OXCT1: variants seen among roughly 807,000 people sequenced by gnomAD.
The protein encoded by OXCT1 is 3-oxoacid CoA-transferase 1.
OXCT1 carries 27 observed loss-of-function variants against 69.6 expected under a neutral mutation model. The observed-to-expected ratio is 0.39, with a 90% confidence interval of 0.29 to 0.54. The LOEUF (loss-of-function observed/expected upper bound fraction) is 0.54. Among genes scored for constraint, OXCT1 ranks in the 20% least tolerant of loss-of-function variants. The pLI is 0.72. For missense variants in OXCT1, 437 were observed against 650.2 expected (o/e 0.67, Z 3.57); for synonymous variants, 202 against 217.8 (o/e 0.93, Z 0.64).
chr5:41,800,520 A>T (rs891841584), intron 11 of OXCT1, among the ~76,000 whole-genome samples: 1 of 151,244 alleles, frequency 6.6e-6, no homozygotes, highest in Non-Finnish European at 1.5e-5. Context: ...GGTTGCTGTG[A>T]TTTGACTGAG....
chr5:41,786,578 G>T (rs1449916759), intron 13 of OXCT1, among the ~76,000 whole-genome samples: 1 of 152,168 alleles, frequency 6.6e-6, no homozygotes, highest in Non-Finnish European at 1.5e-5. Context: ...TCTGAATGAA[G>T]ACTGAGTTTA....
intron 14 of OXCT1, among the ~76,000 whole-genome samples, chr5:41,755,489 C>A (rs985912276): frequency 1.3e-5 from 2 of 152,004 alleles, no homozygotes; most frequent in African/African-American, 4.8e-5. Context: ...ATTATGAATT[C>A]TCCTAAGAAA....
intron 1 of OXCT1, among the ~76,000 whole-genome samples, chr5:41,866,775 T>C (rs1749998463): frequency 6.6e-6 from 1 of 152,240 alleles, no homozygotes; most frequent in Non-Finnish European, 1.5e-5. Flanking sequence ...GGAACATACA[T>C]GTTCTTCTCC....
chr5:41,861,679 C>T (rs541022793), intron 2 of OXCT1, among the ~76,000 whole-genome samples: 1 of 152,298 alleles, frequency 6.6e-6, no homozygotes, highest in Non-Finnish European at 1.5e-5. Context: ...CCTCAGTTTG[C>T]ACTTAACTAT....
At chr5:41,855,806 C>G (rs1312598931) in intron 3 of OXCT1, among the ~76,000 whole-genome samples, 1 of 152,106 alleles carries the variant, frequency 6.6e-6, no homozygotes, top group African/African-American at 2.4e-5. Context: ...TGTGATAATT[C>G]TGAAAATGGA....
At chr5:41,832,066 C>A (rs1748124160) in intron 7 of OXCT1, among the ~76,000 whole-genome samples, 1 of 152,194 alleles carries the variant, frequency 6.6e-6, no homozygotes, top group South Asian at 2.1e-4. Flanking sequence ...AGAAAAGCAC[C>A]ATCACAAGAA....
chr5:41,751,660 C>A (rs540271430), intron 14 of OXCT1, among the ~76,000 whole-genome samples: 48 of 152,238 alleles, frequency 3.2e-4, no homozygotes, highest in Admixed American at 2.9e-3. Context: ...GTTTTTAATA[C>A]AATCCATAAT....
In OXCT1 at chr5:41,739,508, A is replaced by G; in HGVS notation, c.1420-17T>C. The G allele has an allele frequency of 6.6e-7, 1 of 1,514,890 alleles. No individual in the cohort carries two copies. Among genetic ancestry groups the G allele is most frequent in the African/African-American group, 1.4e-5 (1 of 73,098 alleles). 93.8% of individuals were successfully genotyped at this position (1,514,890 alleles called of 1,614,324 possible). ...AAACACAGCCTGTCAGAGTGGGAAGAAAAAGGACAATGACAATTTCCATCA... is the reference window on the plus strand; with the variant it reads ...AAACACAGCCTGTCAGAGTGGGAAGGAAAAGGACAATGACAATTTCCATCA... On this transcript the variant is annotated splice_polypyrimidine_tract_variant and intron_variant, in intron 15 of 16. Transcript: ENST00000196371.
chr5:41,835,528 C>T (rs1248836388), intron 7 of OXCT1, among the ~76,000 whole-genome samples: 1 of 152,164 alleles, frequency 6.6e-6, no homozygotes, highest in Non-Finnish European at 1.5e-5. Flanking sequence ...TATTGTGATT[C>T]ATAAACCACA....
chr5:41,733,056 A>T (rs935548654), intron 16 of OXCT1, among the ~76,000 whole-genome samples: 5 of 152,220 alleles, frequency 3.3e-5, no homozygotes, highest in African/African-American at 7.2e-5. Flanking sequence ...ACGCATTATG[A>T]CTTATTTCTA....
At chr5:41,774,776 C>T (rs150809233) in intron 13 of OXCT1, among the ~76,000 whole-genome samples, 1,704 of 152,090 alleles carry the variant, frequency 0.011, 29 homozygotes, top group Middle Eastern at 0.034. Context: ...GCACCTGTAG[C>T]CCAGGCTACT....
chr5:41,843,733 C>A, intron 5 of OXCT1: 1 of 298,520 alleles, frequency 3.3e-6, no homozygotes, highest in South Asian at 2.7e-5. Context: ...GTGCGTTTTA[C>A]AAAAAGCTGC....
intron 7 of OXCT1, among the ~76,000 whole-genome samples, chr5:41,810,606 C>G (rs1579785469): frequency 6.6e-6 from 1 of 151,974 alleles, no homozygotes; most frequent in African/African-American, 2.4e-5. Flanking sequence ...TTGATCTGAA[C>G]TTTGTTTTAA....
At chr5:41,757,129 C>A (rs1561366140) in intron 14 of OXCT1, among the ~76,000 whole-genome samples, 1 of 152,022 alleles carries the variant, frequency 6.6e-6, no homozygotes, top group African/African-American at 2.4e-5. Flanking sequence ...ATCCCATTTA[C>A]ATTTTGGCGA....
intron 3 of OXCT1, among the ~76,000 whole-genome samples, chr5:41,859,533 C>T (rs888483236): frequency 2.0e-5 from 3 of 151,938 alleles, no homozygotes; most frequent in African/African-American, 7.3e-5. Flanking sequence ...AACACAGGCC[C>T]CTCGAATAAG....
intron 7 of OXCT1, among the ~76,000 whole-genome samples, chr5:41,813,982 C>T (rs1317973745): frequency 6.6e-6 from 1 of 152,078 alleles, no homozygotes; most frequent in East Asian, 1.9e-4. Context: ...CCAGGCCTCA[C>T]TCATGTTTGT....
At chr5:41,755,956 G>A (rs937318720) in intron 14 of OXCT1, among the ~76,000 whole-genome samples, 6 of 152,124 alleles carry the variant, frequency 3.9e-5, no homozygotes, top group African/African-American at 1.2e-4. Context: ...TATAAAGATC[G>A]CTACAGTTTA....
intron 5 of OXCT1, chr5:41,843,475 T>C (rs1579859142): frequency 2.2e-6 from 1 of 449,882 alleles, no homozygotes; most frequent in East Asian, 7.0e-5. Context: ...TCTTCTGACA[T>C]TACTGATCTA....
At chr5:41,843,647 T>G in intron 5 of OXCT1, 1 of 454,230 alleles carries the variant, frequency 2.2e-6, no homozygotes, top group Non-Finnish European at 4.4e-6. Context: ...ACTCCATCAC[T>G]GCACAAAATG....
Sources: gnomAD v4.1 joint callset for allele counts (sites outside exome capture counted in the v4.1 genomes callset) on GRCh38, gnomAD v4.1.1 for gene constraint, MANE v1.5 for transcripts, NCBI Gene and HGNC (gene_info 2026-07-23, HGNC 2026-07-21) for gene names.